TBC1D9B: variants seen among roughly 807,000 people sequenced by gnomAD.
TBC1D9B encodes the protein TBC1 domain family member 9B, also known as TBC1 domain family, member 9B (with GRAM domain).
Under a neutral mutation model 121.1 loss-of-function variants are expected in TBC1D9B, and 87 were observed. That is an observed-to-expected ratio of 0.72 (90% CI 0.60 to 0.86). The LOEUF is 0.86. Ranked by LOEUF, TBC1D9B falls within the 40% of genes least tolerant of loss-of-function variation. The pLI is 0.00. For missense variants in TBC1D9B, 1,540 were observed against 1,628.6 expected, an observed-to-expected ratio of 0.95 and a Z score of 0.94; for synonymous variants, 668 against 670.1, an observed-to-expected ratio of 1.00 and a Z score of 0.05.
intron 7 of TBC1D9B, 127 bp from the exon 8 acceptor site, chr5:179,879,916 G>A (rs1000478604): frequency 2.5e-5 from 29 of 1,162,758 alleles, no homozygotes; most frequent in Admixed American, 1.1e-4. Flanking sequence ...AACGGTGCAC[G>A]GAGAAGAGCC....
Position 179,902,562 on chromosome 5 carries a change from C to T in TBC1D9B, c.229+2140G>A, listed in dbSNP as rs997487201. ...AGGTCAAGTGTGTGGCACGGGGCTACGTACATGGGCTCCGCTGCGTGGCTG... is the reference window on the plus strand; with the variant it reads ...AGGTCAAGTGTGTGGCACGGGGCTATGTACATGGGCTCCGCTGCGTGGCTG... On this transcript the variant is annotated intron_variant, in intron 2 of 20. Transcript: ENST00000355235. The surrounding 1 kb of genome is among the most constrained non-coding windows in gnomAD (Gnocchi z 4.9). Among the ~76,000 whole-genome samples the T allele has an allele frequency of 2.0e-5, 3 of 152,168 alleles. No individual in the cohort carries two copies. Among genetic ancestry groups the T allele is most frequent in the African/African-American group, 4.8e-5 (2 of 41,440 alleles).
intron 5 of TBC1D9B, among the ~76,000 whole-genome samples, chr5:179,892,423 T>C (rs1033252758): frequency 4.6e-5 from 7 of 152,186 alleles, no homozygotes; most frequent in African/African-American, 1.7e-4. Context: ...ATGAGGTCGC[T>C]CAACACAAGG....
chr5:179,885,604 A>C lies in TBC1D9B; in HGVS notation c.1254+2499T>G, dbSNP rs1226822362. Among the ~76,000 whole-genome samples the C allele has an allele frequency of 6.6e-6, 1 of 152,038 alleles. No homozygotes were observed. Among genetic ancestry groups the C allele is most frequent in the Non-Finnish European group, 1.5e-5 (1 of 67,988 alleles). ...ACTCTGTCCCCCCCCCAAAAAAAAA[A>C]AGATGGAGGTATTTTACGTTTTTCT... is the stretch of plus-strand genomic sequence containing the variant. On this transcript the variant is annotated intron_variant, in intron 7 of 20. Coordinates refer to ENST00000355235, the MANE Select transcript of TBC1D9B (RefSeq NM_015043.4). The surrounding 1 kb of genome is among the most constrained non-coding windows in gnomAD (Gnocchi z 4.5).
Position 179,865,491 on chromosome 5 carries a change from T to A in TBC1D9B, c.2915-131A>T. ...CCCTATCATAAAACACCCTGGCGTT[T>A]GGGAAGGTGGTCATGGGAAAAAAAC... On this transcript the variant is annotated intron_variant, in intron 19 of 20. Coordinates refer to ENST00000355235, the MANE Select transcript of TBC1D9B (RefSeq NM_015043.4). This position sits in a 1 kb window ranked among gnomAD's most constrained non-coding sequence, Gnocchi z 5.1. The A allele has an allele frequency of 1.2e-6, 1 of 850,752 alleles. No individual in the cohort carries two copies. Among genetic ancestry groups the A allele is most frequent in the Non-Finnish European group, 1.9e-6 (1 of 532,504 alleles). 52.7% of individuals were successfully genotyped at this position (850,752 alleles called of 1,614,324 possible).
In TBC1D9B at chr5:179,871,515, C is replaced by G; in HGVS notation, c.2431G>C (p.Val811Leu). The G allele has an allele frequency of 6.2e-7, 1 of 1,613,130 alleles. No individual in the cohort carries two copies. The highest frequency in any genetic ancestry group is 8.5e-7 in the Non-Finnish European group (1 of 1,179,600). ...TCTTCAATGGAGAAACCAATGTCCA[C>G]AGGTATAGCTCGGACCTAGAAGGAA... ...AKRSVVRAIP[V>L]DIGFSIEELE... Residue 811 changes from valine to leucine, a missense_variant, in exon 15 of 21, where the codon GTG becomes CTG. Physicochemically the swap from Val to Leu is conservative, Grantham distance 32 (BLOSUM62 1). Transcript: ENST00000355235.
At position 179,870,506 on chromosome 5, in the gene TBC1D9B, C is replaced by T. The variant is rs905286806; in HGVS notation, c.2485-11G>A. On this transcript the variant is annotated splice_polypyrimidine_tract_variant and intron_variant, in intron 15 of 20. Transcript: ENST00000355235. ...AGCCAGGTGCTTGGCCTGTGGGACA[C>T]GGTCTGGTGAGACGGTCCAGCCGCT... 18 of 1,600,512 alleles carry T rather than the reference C, an allele frequency of 1.1e-5. No individual in the cohort carries two copies. The highest frequency in any genetic ancestry group is 2.2e-5 in the East Asian group (1 of 44,692).
chr5:179,864,753 G>C (rs1759956632), intron 20 of TBC1D9B, among the ~76,000 whole-genome samples: 1 of 152,260 alleles, frequency 6.6e-6, no homozygotes, highest in Admixed American at 6.5e-5. Flanking sequence ...GCTAGACCGT[G>C]GGTCTGGCCC....
At position 179,891,668 on chromosome 5, in the gene TBC1D9B, C is replaced by T; in HGVS notation, c.837-82G>A. On this transcript the variant is annotated intron_variant, in intron 5 of 20. Transcript: ENST00000355235. This position sits in a 1 kb window ranked among gnomAD's most constrained non-coding sequence, Gnocchi z 4.3. ...CTCTCAAGGAAGCCTTGGGGCCTCCCCAGGCCTGTTTCCACATCAGATTCA... is the reference window on the plus strand; with the variant it reads ...CTCTCAAGGAAGCCTTGGGGCCTCCTCAGGCCTGTTTCCACATCAGATTCA... 4 of 1,499,404 alleles carry T rather than the reference C, an allele frequency of 2.7e-6. No individual in the cohort carries two copies. The highest frequency in any genetic ancestry group is 3.6e-6 in the Non-Finnish European group (4 of 1,098,190). The allele number at this position is 1,499,404 out of a possible 1,614,324, so 92.9% of individuals were successfully genotyped here.
At chr5:179,866,021 C>A (rs1455899040) in intron 18 of TBC1D9B, 133 bp from the exon 19 acceptor site, 2 of 1,035,998 alleles carry the variant, frequency 1.9e-6, no homozygotes, top group Admixed American at 2.0e-5. Context: ...AGCAGGTCTC[C>A]CATGCCACAC....
rs771263851 is a variant in TBC1D9B, at chr5:179,863,312, C to T, written c.*136G>A. 3.9e-5 allele frequency: 41 copies of T among 1,038,428 alleles called. No individual in the cohort carries two copies. The highest frequency in any genetic ancestry group is 5.5e-5 in the Non-Finnish European group (40 of 725,432). 64.3% of individuals were successfully genotyped at this position (1,038,428 alleles called of 1,614,324 possible). A position where few individuals can be genotyped will look rare whatever the true frequency, so the allele number is the denominator to read the frequency against. ...AGCTGGGTCTGCACCAGCCTTCTTT[C>T]CACTCACAACTCACTGCTCCTGGGA... On this transcript the variant is annotated 3_prime_UTR_variant, in exon 21 of 21. Transcript: ENST00000355235. This position sits in a 1 kb window ranked among gnomAD's most constrained non-coding sequence, Gnocchi z 4.5.
intron 2 of TBC1D9B, among the ~76,000 whole-genome samples, chr5:179,903,595 T>C (rs1215527804): frequency 6.6e-6 from 1 of 152,236 alleles, no homozygotes; most frequent in Non-Finnish European, 1.5e-5. Flanking sequence ...GATACATAAC[T>C]GTTTTACATG....
chr5:179,894,420 G>A lies in TBC1D9B; in HGVS notation c.543C>T (p.His181=). The A allele has an allele frequency of 6.2e-7, 1 of 1,613,936 alleles. No homozygotes were observed. Among genetic ancestry groups the A allele is most frequent in the Non-Finnish European group, 8.5e-7 (1 of 1,179,900 alleles). The change falls in exon 4 of 21, where the codon CAC becomes CAT. Residue 181 remains histidine (H), a synonymous_variant. Transcript: ENST00000355235. The part of the protein sequence containing the change: ...RQGWLYLTVN[H]LCFYSFLLGK... ...CCAGCAGGAAGGAGTAGAAGCACAGGTGGTTGACCGTCAGGTACAGCCAGC... is the reference window on the plus strand; with the variant it reads ...CCAGCAGGAAGGAGTAGAAGCACAGATGGTTGACCGTCAGGTACAGCCAGC...
intron 18 of TBC1D9B, 199 bp from the exon 19 acceptor site, chr5:179,866,087 C>T (rs1759998616): frequency 1.7e-6 from 1 of 586,980 alleles, no homozygotes. Flanking sequence ...AGGGCCTGAG[C>T]ATTCCCTCAC....
rs887249676 is a variant in TBC1D9B, at chr5:179,890,919, G to A, written c.1044+460C>T. Among the ~76,000 whole-genome samples the A allele has an allele frequency of 1.3e-5, 2 of 152,212 alleles. No homozygotes were observed. The highest frequency in any genetic ancestry group is 4.8e-5 in the African/African-American group (2 of 41,466). On this transcript the variant is annotated intron_variant, in intron 6 of 20. Coordinates refer to ENST00000355235, the MANE Select transcript of TBC1D9B (RefSeq NM_015043.4). The surrounding 1 kb of genome is among the most constrained non-coding windows in gnomAD (Gnocchi z 5.0). ...CGACGCCGCCCCACAGGGGAGAGCC[G>A]ACCTCTGATGGCCTGCTGGAGCCGA...
chr5:179,893,420 C>T lies in TBC1D9B; in HGVS notation c.625G>A (p.Ala209Thr). The T allele has an allele frequency of 1.9e-6, 3 of 1,613,630 alleles. No individual in the cohort carries two copies. Among genetic ancestry groups the T allele is most frequent in the Non-Finnish European group, 2.5e-6 (3 of 1,179,668 alleles). Reference protein sequence around the residue: ...WVDITRLEKNATLLFPESIRV... With the variant: ...WVDITRLEKNTTLLFPESIRV... ...ATGCTCTCGGGGAAGAGCAGGGTGG[C>T]GTTCTTCTCCAGACGCGTTATGTCC... The change falls in exon 5 of 21, where the codon GCC becomes ACC. Residue 209 changes from alanine to threonine, a missense_variant. Coordinates refer to ENST00000355235, the MANE Select transcript of TBC1D9B (RefSeq NM_015043.4).
intron 7 of TBC1D9B, among the ~76,000 whole-genome samples, chr5:179,882,065 T>C (rs578659): frequency 0.58 from 88,065 of 151,530 alleles, 28,331 homozygotes; most frequent in African/African-American, 0.85. Flanking sequence ...CTGCCTCAGG[T>C]TCCCAAGTAG....
rs758339475 is a variant in TBC1D9B, at chr5:179,878,521, C to A, written c.1570G>T (p.Ala524Ser). Residue 524 changes from alanine to serine, a missense_variant and splice_region_variant, in exon 10 of 21, where the codon GCC becomes TCC. By Grantham distance (99) the Ala-to-Ser change is moderately conservative. Coordinates refer to ENST00000355235, the MANE Select transcript of TBC1D9B (RefSeq NM_015043.4). The part of the protein sequence containing the change: ...RGELWLLFSG[A>S]WNEMVTHPGY... Reference sequence around the variant, plus strand: ...GGGTGAGTCACCATCTCATTCCAGGCCCCTGGGGAGACACGGGTGCCAGCT... The same window carrying A: ...GGGTGAGTCACCATCTCATTCCAGGACCCTGGGGAGACACGGGTGCCAGCT... 2.5e-6 allele frequency: 4 copies of A among 1,599,848 alleles called. No individual in the cohort carries two copies. The highest frequency in any genetic ancestry group is 3.4e-6 in the Non-Finnish European group (4 of 1,172,568).
chr5:179,871,617 A>G (rs1205210096), intron 14 of TBC1D9B, 87 bp from the exon 15 acceptor site: 2 of 1,455,222 alleles, frequency 1.4e-6, no homozygotes, highest in African/African-American at 2.8e-5. Context: ...TCCTCGGCAG[A>G]CAAGGGCAAG....
chr5:179,884,901 C>A (rs780485220), intron 7 of TBC1D9B, among the ~76,000 whole-genome samples: 17 of 152,058 alleles, frequency 1.1e-4, no homozygotes, highest in Admixed American at 2.6e-4. Context: ...TTCAGTTTTG[C>A]AAAACTGAAA....
Sources: gnomAD v4.1 joint callset for allele counts (sites outside exome capture counted in the v4.1 genomes callset) on GRCh38, gnomAD v4.1.1 for gene constraint, Gnocchi (gnomAD v3.1) non-coding constraint, MANE v1.5 for transcripts, NCBI Gene and HGNC (gene_info 2026-07-23, HGNC 2026-07-21) for gene names.